The following CMSS1 variants were observed in gnomAD, a reference collection of about 807,000 sequenced individuals.
CMSS1 encodes protein CMSS1.
Under a neutral mutation model 43.5 loss-of-function variants are expected in CMSS1, and 33 were observed. That is an observed-to-expected ratio of 0.76 (90% CI 0.57 to 1.01). The LOEUF (loss-of-function observed/expected upper bound fraction) is 1.01. Ranked by LOEUF, CMSS1 falls within the 50% of genes least tolerant of loss-of-function variation. CMSS1 has a pLI of 0.00. For missense variants in CMSS1, 313 were observed against 326.4 expected, an observed-to-expected ratio of 0.96 and a Z score of 0.32; for synonymous variants, 115 against 117.2, an observed-to-expected ratio of 0.98 and a Z score of 0.12.
chr3:99,930,014 T>C, intron 1 of CMSS1: 1 of 1,611,134 alleles, frequency 6.2e-7, no homozygotes. Flanking sequence ...AAAATGCCTA[T>C]GACCTCATCT....
chr3:100,081,410 C>T (rs1490720776), intron 1 of CMSS1, among the ~76,000 whole-genome samples: 1 of 152,224 alleles, frequency 6.6e-6, no homozygotes, highest in Non-Finnish European at 1.5e-5. Flanking sequence ...CTGTCATACT[C>T]TTAAGCAAAT....
At chr3:100,013,214 GTGT>G (rs35047568) in intron 1 of CMSS1, among the ~76,000 whole-genome samples, 14,118 of 145,380 alleles carry the variant, frequency 0.097, 731 homozygotes, top group African/African-American at 0.14. Context: ...GGCCAGTGAG[GTGT>G]TGTTGTTGTT....
chr3:99,950,299 C>G (rs1708138084), intron 1 of CMSS1, among the ~76,000 whole-genome samples: 1 of 152,150 alleles, frequency 6.6e-6, no homozygotes, highest in Non-Finnish European at 1.5e-5. Flanking sequence ...AGAGCTCTTA[C>G]TAAATGTTAG....
At chr3:100,111,902 A>G (rs1478913247) in intron 1 of CMSS1, among the ~76,000 whole-genome samples, 1 of 152,220 alleles carries the variant, frequency 6.6e-6, no homozygotes, top group Non-Finnish European at 1.5e-5. Flanking sequence ...ATCTATGTTG[A>G]ACAACATGCA....
At chr3:99,919,774 G>T (rs1362331567) in intron 1 of CMSS1, among the ~76,000 whole-genome samples, 1 of 152,140 alleles carries the variant, frequency 6.6e-6, no homozygotes, top group Non-Finnish European at 1.5e-5. Context: ...TTATAAAGTT[G>T]TTTCAGCCAA....
At chr3:100,089,548 G>T (rs1336240803) in intron 1 of CMSS1, among the ~76,000 whole-genome samples, 2 of 152,160 alleles carry the variant, frequency 1.3e-5, no homozygotes, top group Non-Finnish European at 2.9e-5. Context: ...AAGCAAAAAG[G>T]ATAGGAAGCA....
At chr3:100,176,261 A>C (rs2067147392) in intron 8 of CMSS1, 66 bp from the exon 9 acceptor site, 5 of 1,132,182 alleles carry the variant, frequency 4.4e-6, no homozygotes, top group Non-Finnish European at 4.0e-6. Context: ...GGAGAATAAA[A>C]AATCATTTTA....
At chr3:99,891,605 C>G (rs1376247303) in intron 1 of CMSS1, among the ~76,000 whole-genome samples, 1 of 151,934 alleles carries the variant, frequency 6.6e-6, no homozygotes, top group African/African-American at 2.4e-5. Flanking sequence ...TGGTGAGACA[C>G]TAGGTTAGGG....
At chr3:100,163,014 T>C (rs2067037533) in intron 4 of CMSS1, among the ~76,000 whole-genome samples, 1 of 152,212 alleles carries the variant, frequency 6.6e-6, no homozygotes, top group Non-Finnish European at 1.5e-5. Flanking sequence ...TTCCTCAATC[T>C]AATAGTTTTA....
At chr3:99,904,174 A>G (rs1252133293) in intron 1 of CMSS1, among the ~76,000 whole-genome samples, 1 of 152,226 alleles carries the variant, frequency 6.6e-6, no homozygotes, top group Non-Finnish European at 1.5e-5. Flanking sequence ...ATTGCTCTTA[A>G]TGATAAGTGT....
chr3:99,878,383 G>T (rs1705609210), intron 1 of CMSS1, among the ~76,000 whole-genome samples: 1 of 152,168 alleles, frequency 6.6e-6, no homozygotes, highest in African/African-American at 2.4e-5. Context: ...GGCTAAAGTG[G>T]CTTGACCAAG....
rs537879832 is a variant in CMSS1 at position 100,023,537 on chromosome 3, A to G, written c.65-123436A>G. 2.0e-5 allele frequency: 3 copies of G among 152,644 alleles called. No individual in the cohort carries two copies. In the East Asian group the frequency reaches 5.8e-4, roughly 29 times the overall value. 9.5% of individuals were successfully genotyped at this position (152,644 alleles called of 1,614,324 possible). ...GTGAAAGAACTGTAAGTGGTATGAG[A>G]CTAAAACAGTTTCTTGGGGGGAGAG... On this transcript the variant is annotated intron_variant, in intron 1 of 9. Coordinates refer to ENST00000421999, the MANE Select transcript of CMSS1 (RefSeq NM_032359.4).
chr3:99,921,278 G>A (rs776547480), intron 1 of CMSS1, among the ~76,000 whole-genome samples: 4 of 152,154 alleles, frequency 2.6e-5, no homozygotes, highest in African/African-American at 7.2e-5. Context: ...TCCTCTGAGC[G>A]TTTATTTACC....
At chr3:100,175,999 A>G (rs1191394447) in intron 8 of CMSS1, among the ~76,000 whole-genome samples, 1 of 152,204 alleles carries the variant, frequency 6.6e-6, no homozygotes, top group East Asian at 1.9e-4. Flanking sequence ...TGCGGGATTT[A>G]ACTTAGCAAA....
At chr3:100,135,786 G>A (rs1559768071) in intron 1 of CMSS1, among the ~76,000 whole-genome samples, 1 of 152,156 alleles carries the variant, frequency 6.6e-6, no homozygotes, top group East Asian at 1.9e-4. Flanking sequence ...ATAAAAAGTT[G>A]AGGCATTTTT....
intron 8 of CMSS1, 151 bp from the exon 9 acceptor site, chr3:100,176,176 C>A (rs2067146555): frequency 1.8e-6 from 1 of 555,090 alleles, no homozygotes; most frequent in South Asian, 2.4e-5. Context: ...TGTTTTCCAT[C>A]AGGGAAGGGC....
At chr3:100,080,629 G>C (rs1481785164) in intron 1 of CMSS1, among the ~76,000 whole-genome samples, 5 of 152,196 alleles carry the variant, frequency 3.3e-5, no homozygotes, top group Non-Finnish European at 5.9e-5. Flanking sequence ...GTGATGCCTT[G>C]TTCTGTTCTC....
At chr3:100,139,611 GTGTA>G (rs112499006) in intron 1 of CMSS1, among the ~76,000 whole-genome samples, 5,617 of 144,730 alleles carry the variant, frequency 0.039, 400 homozygotes, top group African/African-American at 0.13. Flanking sequence ...ATATGTGTGT[GTGTA>G]TATATATATA....
At chr3:100,104,460 A>T (rs1177668257) in intron 1 of CMSS1, among the ~76,000 whole-genome samples, 1 of 152,212 alleles carries the variant, frequency 6.6e-6, no homozygotes, top group Non-Finnish European at 1.5e-5. Flanking sequence ...CAATGTGGTT[A>T]CCATTTTATA....
Sources: gnomAD v4.1 joint callset for allele counts (sites outside exome capture counted in the v4.1 genomes callset) on GRCh38, gnomAD v4.1.1 for gene constraint, MANE v1.5 for transcripts, NCBI Gene and HGNC (gene_info 2026-07-23, HGNC 2026-07-21) for gene names.